The following PLXDC2 variants were observed in gnomAD, a reference collection of about 807,000 sequenced individuals.
The protein encoded by PLXDC2 is plexin domain containing 2, also known as plexin domain-containing protein 2.
In PLXDC2, 40 loss-of-function variants were observed where a neutral mutation model predicts 68.9. That is an observed-to-expected ratio of 0.58 (90% CI 0.45 to 0.76). The LOEUF (loss-of-function observed/expected upper bound fraction) is 0.76, where lower values mean the gene tolerates loss of function less well. PLXDC2 is among the 30% of genes least tolerant of loss of function. The pLI, the probability that PLXDC2 is intolerant of heterozygous loss-of-function variation, is 0.00. For synonymous variants in PLXDC2, 243 were observed against 234.2 expected (o/e 1.04, Z -0.34); for missense variants, 644 against 661.9 (o/e 0.97, Z 0.30).
At chr10:19,860,925 T>A (rs976086042) in intron 1 of PLXDC2, among the ~76,000 whole-genome samples, 2 of 152,180 alleles carry the variant, frequency 1.3e-5, no homozygotes, top group African/African-American at 4.8e-5. Context: ...AATTTTACTT[T>A]CTCAACATCT....
chr10:19,968,483 T>G (rs1834300890), intron 1 of PLXDC2, among the ~76,000 whole-genome samples: 1 of 152,114 alleles, frequency 6.6e-6, no homozygotes. Context: ...TGGCTAATTT[T>G]TTTGTTTTTA....
intron 13 of PLXDC2, among the ~76,000 whole-genome samples, chr10:20,249,670 G>A (rs2119344071): frequency 6.6e-6 from 1 of 152,176 alleles, no homozygotes. Flanking sequence ...GTCCTTAACT[G>A]AACCACATCT....
chr10:19,909,380 C>T (rs1013834988), intron 1 of PLXDC2, among the ~76,000 whole-genome samples: 2 of 152,128 alleles, frequency 1.3e-5, no homozygotes, highest in Non-Finnish European at 2.9e-5. Context: ...GACATACCAC[C>T]TCAGCATTGC....
intron 1 of PLXDC2, among the ~76,000 whole-genome samples, chr10:19,846,180 A>G (rs1837006141): frequency 6.6e-6 from 1 of 152,200 alleles, no homozygotes; most frequent in Non-Finnish European, 1.5e-5. Flanking sequence ...CCTAAAGAAT[A>G]AATATAAACC....
intron 1 of PLXDC2, among the ~76,000 whole-genome samples, chr10:19,861,261 C>T (rs1191409175): frequency 2.0e-5 from 3 of 151,996 alleles, no homozygotes; most frequent in Non-Finnish European, 4.4e-5. Context: ...TCTAGGACTC[C>T]TGACCTCAGG....
chr10:20,242,658 T>G (rs1417148513), intron 12 of PLXDC2, among the ~76,000 whole-genome samples: 1 of 152,184 alleles, frequency 6.6e-6, no homozygotes, highest in South Asian at 2.1e-4. Flanking sequence ...TGATGGCAGA[T>G]ACTGACCTAA....
chr10:20,003,035 A>C (rs1185519331), intron 2 of PLXDC2, among the ~76,000 whole-genome samples: 1 of 152,188 alleles, frequency 6.6e-6, no homozygotes, highest in Non-Finnish European at 1.5e-5. Context: ...GAATGGTCAG[A>C]GAACAGTTTG....
intron 2 of PLXDC2, among the ~76,000 whole-genome samples, chr10:20,045,855 G>A (rs1043975617): frequency 1.4e-4 from 21 of 151,804 alleles, no homozygotes; most frequent in Admixed American, 5.9e-4. Flanking sequence ...TGATTTCATG[G>A]TTATAAAACA....
chr10:20,262,950 T>C (rs1381603298), intron 13 of PLXDC2, among the ~76,000 whole-genome samples: 2 of 152,188 alleles, frequency 1.3e-5, no homozygotes, highest in Non-Finnish European at 2.9e-5. Context: ...CAGGGACATC[T>C]GAAAGCTCTC....
intron 1 of PLXDC2, among the ~76,000 whole-genome samples, chr10:19,919,737 T>C (rs1445303419): frequency 6.6e-6 from 1 of 152,240 alleles, no homozygotes; most frequent in African/African-American, 2.4e-5. Flanking sequence ...CCTTTTATTA[T>C]TAAATCTTGC....
intron 1 of PLXDC2, among the ~76,000 whole-genome samples, chr10:19,971,207 A>G (rs747504275): frequency 6.6e-6 from 1 of 152,102 alleles, no homozygotes; most frequent in Non-Finnish European, 1.5e-5. Flanking sequence ...CTTACCTTTT[A>G]GTTATTTCTG....
intron 1 of PLXDC2, among the ~76,000 whole-genome samples, chr10:19,991,149 G>C (rs1435141844): frequency 6.6e-6 from 1 of 151,870 alleles, no homozygotes; most frequent in African/African-American, 2.4e-5. Flanking sequence ...GGGAGGTTCA[G>C]GTAGGAGAAC....
At chr10:19,819,445 C>T (rs1191467961) in intron 1 of PLXDC2, among the ~76,000 whole-genome samples, 1 of 151,522 alleles carries the variant, frequency 6.6e-6, no homozygotes, top group African/African-American at 2.4e-5. Context: ...AAGTATACAA[C>T]TTTATTTGTA....
rs1385962440 is a variant in PLXDC2 at position 19,933,859 on chromosome 10, A to G, written c.113-67916A>G. Among the ~76,000 whole-genome samples, 17 of 123,286 alleles carry G rather than the reference A, an allele frequency of 1.4e-4. No homozygotes were observed. In the East Asian group the frequency reaches 5.0e-3, roughly 36 times the overall value. 80.9% of individuals were successfully genotyped at this position (123,286 alleles called of 152,430 possible). ...GAAGGAGGGGAGGAAGGAAGGAAGG[A>G]AAGGGAGGGTGGGAGGGAGGGAAAA... is the stretch of plus-strand genomic sequence containing the variant. On this transcript the variant is annotated intron_variant, in intron 1 of 13. Transcript: ENST00000377252.
intron 13 of PLXDC2, among the ~76,000 whole-genome samples, chr10:20,259,497 C>CA (rs1439927784): frequency 3.3e-5 from 5 of 152,080 alleles, no homozygotes; most frequent in African/African-American, 7.2e-5. Context: ...ACAATATTTA[C>CA]AAAAAAATTA....
intron 1 of PLXDC2, among the ~76,000 whole-genome samples, chr10:19,951,699 G>C (rs1564637459): frequency 2.6e-5 from 4 of 152,288 alleles, no homozygotes; most frequent in African/African-American, 9.6e-5. Context: ...ACTTGTACTT[G>C]TATGTTCGTT....
intron 12 of PLXDC2, among the ~76,000 whole-genome samples, chr10:20,223,070 A>T (rs1276426062): frequency 6.6e-6 from 1 of 152,116 alleles, no homozygotes; most frequent in East Asian, 1.9e-4. Context: ...TATTGAATTG[A>T]ATGGTTGCTG....
At chr10:20,022,533 A>G (rs1835329923) in intron 2 of PLXDC2, among the ~76,000 whole-genome samples, 1 of 152,132 alleles carries the variant, frequency 6.6e-6, no homozygotes, top group South Asian at 2.1e-4. Context: ...TTCTGTGGCC[A>G]TTATTTGTAT....
chr10:19,988,175 A>G (rs1393371767), intron 1 of PLXDC2, among the ~76,000 whole-genome samples: 1 of 152,228 alleles, frequency 6.6e-6, no homozygotes. Context: ...TAGAAGCTCA[A>G]TGATTTTGAA....
Sources: allele counts gnomAD v4.1 joint callset (sites outside exome capture counted in the v4.1 genomes callset), GRCh38; gene constraint gnomAD v4.1.1; transcripts MANE v1.5; gene names NCBI Gene and HGNC (gene_info 2026-07-23, HGNC 2026-07-21).